Variants in THSD4 observed in about 807,000 individuals in gnomAD.
The protein encoded by THSD4 is thrombospondin type 1 domain containing 4.
Under a neutral mutation model 119.0 loss-of-function variants are expected in THSD4, and 69 were observed. The ratio of observed to expected loss-of-function variants is 0.58; its 90% confidence interval spans 0.48 to 0.71. THSD4 has a LOEUF of 0.71. Among genes scored for constraint, THSD4 ranks in the 30% least tolerant of loss-of-function variants. The pLI, the probability that THSD4 is intolerant of heterozygous loss-of-function variation, is 0.00. For missense variants in THSD4, 1,393 were observed against 1,391.1 expected (o/e 1.00, Z -0.02); for synonymous variants, 524 against 540.4 (o/e 0.97, Z 0.42).
rs116167942 is a variant in THSD4, at chr15:71,295,591, G to C, written c.1015+38876G>C. 6.7e-3 allele frequency among the ~76,000 whole-genome samples: 1,016 copies of C among 152,032 alleles called. 9 individuals are homozygous for C. Among genetic ancestry groups the C allele is most frequent in the African/African-American group, 0.023 (954 of 41,442 alleles). On this transcript the variant is annotated intron_variant, in intron 6 of 17. Coordinates refer to ENST00000261862, the MANE Select transcript of THSD4 (RefSeq NM_024817.3). ...CTCTGGGTGAATCATTTCCCTCTCT[G>C]GGTTTCAGGTTCCTCATTGCACAGT... is the stretch of plus-strand genomic sequence containing the variant.
chr15:71,606,917 C>A (rs934768401), intron 7 of THSD4, among the ~76,000 whole-genome samples: 10 of 152,200 alleles, frequency 6.6e-5, no homozygotes, highest in African/African-American at 2.4e-4. Context: ...GGGGAAAAAG[C>A]AGGACTGGAT....
chr15:71,232,008 C>T lies in THSD4; in HGVS notation c.465-10641C>T, dbSNP rs149581807. Reference sequence around the variant, plus strand: ...TGGAACAGGGTGGGTTTTAGGAAAACAGGGCTCTCTTTCCAGCTCGAGGCT... The same window carrying T: ...TGGAACAGGGTGGGTTTTAGGAAAATAGGGCTCTCTTTCCAGCTCGAGGCT... On this transcript the variant is annotated intron_variant, in intron 4 of 17. Coordinates refer to ENST00000261862, the MANE Select transcript of THSD4 (RefSeq NM_024817.3). Among the ~76,000 whole-genome samples the T allele has an allele frequency of 4.4e-4, 67 of 152,250 alleles. 1 individual carries two copies. Among genetic ancestry groups the T allele is most frequent in the African/African-American group, 1.6e-3 (65 of 41,548 alleles).
intron 8 of THSD4, among the ~76,000 whole-genome samples, chr15:71,699,210 CTT>C (rs34295616): frequency 1.4e-5 from 1 of 72,992 alleles, no homozygotes; most frequent in Non-Finnish European, 2.3e-5. Flanking sequence ...ATAGCTACAG[CTT>C]TTTTTTTTTT....
Position 71,154,769 on chromosome 15 carries a change from C to A in THSD4, c.30-94C>A, listed in dbSNP as rs574331900. 6.6e-4 allele frequency: 850 copies of A among 1,279,364 alleles called. 9 individuals carry two copies. In the South Asian group the frequency reaches 9.5e-3, roughly 14 times the overall value. 79.3% of individuals were successfully genotyped at this position (1,279,364 alleles called of 1,614,324 possible). A position where few individuals can be genotyped will look rare whatever the true frequency, so the allele number is the denominator to read the frequency against. Reference sequence around the variant, plus strand: ...AGGGCCTGGGTTGGGCTGTTCCCCCCCCATCCACTGATGAGATGGCGATGC... The same window carrying A: ...AGGGCCTGGGTTGGGCTGTTCCCCCACCATCCACTGATGAGATGGCGATGC... On this transcript the variant is annotated intron_variant, in intron 2 of 17. Transcript: ENST00000261862.
chr15:71,189,686 A>G (rs1488750766), intron 3 of THSD4, among the ~76,000 whole-genome samples: 1 of 150,620 alleles, frequency 6.6e-6, no homozygotes, highest in African/African-American at 2.4e-5. Context: ...AAAAAAATAC[A>G]TGTTTCTGGG....
At chr15:71,257,672 G>T (rs1310721618) in intron 6 of THSD4, among the ~76,000 whole-genome samples, 1 of 152,188 alleles carries the variant, frequency 6.6e-6, no homozygotes, top group African/African-American at 2.4e-5. Context: ...GTGCAAGGTG[G>T]TTCTATACTT....
At chr15:71,369,326 G>A (rs2046011047) in intron 6 of THSD4, among the ~76,000 whole-genome samples, 2 of 152,188 alleles carry the variant, frequency 1.3e-5, no homozygotes, top group South Asian at 4.1e-4. Flanking sequence ...ATGTTGAATA[G>A]GAGTGGTGAG....
At chr15:71,098,432 T>C (rs1456508289) in intron 1 of THSD4, among the ~76,000 whole-genome samples, 1 of 152,064 alleles carries the variant, frequency 6.6e-6, no homozygotes, top group Non-Finnish European at 1.5e-5. Flanking sequence ...GATTTCATAA[T>C]TTGTGTATTT....
intron 7 of THSD4, among the ~76,000 whole-genome samples, chr15:71,446,120 G>A (rs1432316063): frequency 3.9e-5 from 6 of 152,176 alleles, no homozygotes; most frequent in African/African-American, 1.4e-4. Flanking sequence ...AAATATAAAT[G>A]TCAATATCAA....
At chr15:71,311,389 ATTG>A (rs1361232803) in intron 6 of THSD4, among the ~76,000 whole-genome samples, 1 of 152,174 alleles carries the variant, frequency 6.6e-6, no homozygotes, top group African/African-American at 2.4e-5. Context: ...TAAAAAGTCT[ATTG>A]TTTTGGAAGA....
chr15:71,372,425 C>T (rs575435082), intron 6 of THSD4, among the ~76,000 whole-genome samples: 1 of 152,182 alleles, frequency 6.6e-6, no homozygotes, highest in East Asian at 1.9e-4. Flanking sequence ...TACTTTTGGT[C>T]TTTGATGATG....
chr15:71,426,397 G>GTGTGTGTGTGTGTGTGTGTGTGTT (rs138567389), intron 7 of THSD4, among the ~76,000 whole-genome samples: 5 of 124,596 alleles, frequency 4.0e-5, no homozygotes, highest in African/African-American at 1.3e-4. Flanking sequence ...GTGTGTGTGT[G>GTGTGTGTGTGTGTGTGTGTGTGTT]TGTGTGTGTT....
intron 7 of THSD4, among the ~76,000 whole-genome samples, chr15:71,443,908 G>A (rs138837128): frequency 1.6e-3 from 251 of 152,348 alleles, no homozygotes; most frequent in African/African-American, 5.7e-3. Flanking sequence ...GAAAGGCCCT[G>A]AGGCAAATCC....
At chr15:71,543,268 G>GA (rs113555331) in intron 7 of THSD4, among the ~76,000 whole-genome samples, 101 of 152,106 alleles carry the variant, frequency 6.6e-4, no homozygotes, top group Non-Finnish European at 8.1e-4. Context: ...AAAAAAGTTA[G>GA]AAAAAAATCA....
At chr15:71,295,272 G>T (rs949944091) in intron 6 of THSD4, among the ~76,000 whole-genome samples, 3 of 152,124 alleles carry the variant, frequency 2.0e-5, no homozygotes, top group African/African-American at 7.2e-5. Context: ...TGAAGTGACT[G>T]GCCCAGGATC....
intron 6 of THSD4, among the ~76,000 whole-genome samples, chr15:71,296,286 G>T (rs903173720): frequency 3.9e-5 from 6 of 152,162 alleles, no homozygotes; most frequent in African/African-American, 7.2e-5. Context: ...ATAGATAAGG[G>T]TTACCCTCTG....
At chr15:71,335,229 C>T (rs2045475447) in intron 6 of THSD4, among the ~76,000 whole-genome samples, 1 of 152,170 alleles carries the variant, frequency 6.6e-6, no homozygotes, top group Non-Finnish European at 1.5e-5. Flanking sequence ...TCAGGAAATG[C>T]AAATACTTGT....
chr15:71,413,079 TC>T (rs750734661), intron 7 of THSD4, among the ~76,000 whole-genome samples: 1 of 152,190 alleles, frequency 6.6e-6, no homozygotes, highest in Non-Finnish European at 1.5e-5. Context: ...TGGCACAATC[TC>T]AGCTCACTGC....
chr15:71,746,777 A>T, intron 12 of THSD4, 61 bp from the exon 13 acceptor site: 1 of 1,559,996 alleles, frequency 6.4e-7, no homozygotes, highest in Non-Finnish European at 8.8e-7. Flanking sequence ...CTGCGGGCTC[A>T]CGCTGACTTC....
Sources: gnomAD v4.1 joint callset for allele counts (sites outside exome capture counted in the v4.1 genomes callset) on GRCh38, gnomAD v4.1.1 for gene constraint, MANE v1.5 for transcripts, NCBI Gene and HGNC (gene_info 2026-07-23, HGNC 2026-07-21) for gene names.